The following PHF19 variants were observed in gnomAD, a reference collection of about 807,000 sequenced individuals.
PHF19 encodes polycomb like 3.
In PHF19, 21 loss-of-function variants were observed where a neutral mutation model predicts 79.8. The ratio of observed to expected loss-of-function variants is 0.26; its 90% CI spans 0.19 to 0.38. PHF19 has a LOEUF of 0.38. PHF19 is among the 10% of genes least tolerant of loss of function. The pLI, the probability that PHF19 is intolerant of heterozygous loss-of-function variation, is 1.00. For missense variants in PHF19, 445 were observed against 744.2 expected, an observed-to-expected ratio of 0.60 and a Z score of 4.68; for synonymous variants, 273 against 296.3, an observed-to-expected ratio of 0.92 and a Z score of 0.81.
At position 120,869,235 on chromosome 9, in the gene PHF19, C is replaced by T. The variant is rs1337815005; in HGVS notation, c.561G>A (p.Ser187=). The change falls in exon 6 of 15, where the codon TCG becomes TCA. Residue 187 remains serine, a synonymous_variant. Transcript: ENST00000373896. The surrounding 1 kb of genome is among the most constrained non-coding windows in gnomAD (Gnocchi z 5.8). ...ATTGCTGCTGGTTGGTGCGATGGGG[C>T]GAGTCCCACTCGAGCTCCTCGGGCT... ...SYQPEELEWD[S]PHRTNQQQCY... The T allele has an allele frequency of 2.5e-6, 4 of 1,611,980 alleles. No individual in the cohort carries two copies. Among genetic ancestry groups the T allele is most frequent in the African/African-American group, 1.3e-5 (1 of 74,908 alleles).
In PHF19 at chr9:120,860,384, A is replaced by G; in HGVS notation, c.1305-199T>C. Reference sequence around the variant, plus strand: ...CCAAGAAGTCAAAAAAACCTCCTGGAGCACCCTCCCCTGGCGGTGACGTAA... The same window carrying G: ...CCAAGAAGTCAAAAAAACCTCCTGGGGCACCCTCCCCTGGCGGTGACGTAA... On this transcript the variant is annotated intron_variant, in intron 13 of 14. Transcript: ENST00000373896. This position sits in a 1 kb window ranked among gnomAD's most constrained non-coding sequence, Gnocchi z 4.1. 1 of 562,572 alleles carries G rather than the reference A, an allele frequency of 1.8e-6. No homozygotes were observed. The highest frequency in any genetic ancestry group is 3.2e-6 in the Non-Finnish European group (1 of 311,968). 34.8% of individuals were successfully genotyped at this position (562,572 alleles called of 1,614,324 possible).
In PHF19 at chr9:120,869,919, T is replaced by C. The variant is rs758130114; in HGVS notation, c.391A>G (p.Ile131Val). 3.8e-6 allele frequency: 6 copies of C among 1,587,824 alleles called. No individual in the cohort carries two copies. Among genetic ancestry groups the C allele is most frequent in the Non-Finnish European group, 5.1e-6 (6 of 1,167,678 alleles). ...AGGGGCTGGTCAGCACTGCCCGCTA[T>C]GGGGATGTGGCACTGCTGGTGGTAA... ...LGYHQQCHIPIAGSADQPLLT... is the reference protein window; with the variant it reads ...LGYHQQCHIPVAGSADQPLLT... The change falls in exon 5 of 15, where the codon ATA becomes GTA. Residue 131 changes from isoleucine to valine, a missense_variant. Around this residue, in one of 5 missense-constraint regions of PHF19, gnomAD observed 167 missense variants for 375.8 expected, o/e 0.44. Transcript: ENST00000373896. The surrounding 1 kb of genome is among the most constrained non-coding windows in gnomAD (Gnocchi z 5.8).
upstream of PHF19, among the ~76,000 whole-genome samples, chr9:120,895,309 G>A (rs1020386196): frequency 3.9e-5 from 6 of 151,944 alleles, no homozygotes; most frequent in Non-Finnish European, 7.4e-5. Flanking sequence ...CCTTAATCCC[G>A]GGCATGGGGG....
At chr9:120,879,361 T>C (rs541219535), upstream of PHF19, among the ~76,000 whole-genome samples, 127 of 152,298 alleles carry the variant, frequency 8.3e-4, no homozygotes, top group East Asian at 2.7e-3. Flanking sequence ...GCGGTGTTGA[T>C]GCATAGATAA....
At position 120,862,705 on chromosome 9, in the gene PHF19, C is replaced by T. The variant is rs776312624; in HGVS notation, c.1013G>A (p.Arg338His). The stretch of plus-strand genomic sequence containing the variant: ...GTTGGGTGGGACGCGGATGCGCAGG[C>T]GGAAGATGCACTTCTTCTTCTTGAT... ...KEIKKKKCIF[R>H]LRIRVPPNPP... The change falls in exon 11 of 15, where the codon CGC (arginine) becomes CAC (histidine). Residue 338 changes from arginine (R) to histidine (H), a missense_variant. Transcript: ENST00000373896. This position sits in a 1 kb window ranked among gnomAD's most constrained non-coding sequence, Gnocchi z 4.6. The T allele has an allele frequency of 3.1e-6, 5 of 1,614,016 alleles. No individual in the cohort carries two copies. Among genetic ancestry groups the T allele is most frequent in the Non-Finnish European group, 3.4e-6 (4 of 1,180,006 alleles).
chr9:120,889,774 AAAGAAAAG>A (rs2046315976), intron 1 of PHF19, among the ~76,000 whole-genome samples: 1 of 148,276 alleles, frequency 6.7e-6, no homozygotes, highest in Admixed American at 6.9e-5. Context: ...AGAGAGAAAG[AAAGAAAAG>A]AGAAAGAAGA....
rs770422623 is a variant in PHF19 at position 120,860,053 on chromosome 9, T to G, written c.1400+37A>C. Reference sequence around the variant, plus strand: ...GAGGGGCTGAGAGGAATGATGGTCCTTGCAAAATGTGAAGGCCAGACCTCT... The same window carrying G: ...GAGGGGCTGAGAGGAATGATGGTCCGTGCAAAATGTGAAGGCCAGACCTCT... On this transcript the variant is annotated intron_variant, in intron 14 of 14. Transcript: ENST00000373896. This position sits in a 1 kb window ranked among gnomAD's most constrained non-coding sequence, Gnocchi z 4.1. The G allele has an allele frequency of 6.3e-5, 68 of 1,076,448 alleles. No homozygotes were observed. The highest frequency in any genetic ancestry group is 9.3e-5 in the Non-Finnish European group (66 of 710,920). 66.7% of individuals were successfully genotyped at this position (1,076,448 alleles called of 1,614,324 possible).
chr9:120,877,947 C>T (rs1233372068), upstream of PHF19, among the ~76,000 whole-genome samples: 1 of 152,176 alleles, frequency 6.6e-6, no homozygotes, highest in Non-Finnish European at 1.5e-5. Context: ...ACGGACATAA[C>T]ACATAAAGTC....
At position 120,866,866 on chromosome 9, in the gene PHF19, C is replaced by G. The variant is rs750129894; in HGVS notation, c.710+4G>C. ...AGGCCCACTTGGACCAAATTAGCAC[C>G]TACCGGTCTCCAAACATCATGGGCT... On this transcript the variant is annotated splice_donor_region_variant and intron_variant, in intron 7 of 14. Transcript: ENST00000373896. This position sits in a 1 kb window ranked among gnomAD's most constrained non-coding sequence, Gnocchi z 5.2. The G allele has an allele frequency of 1.3e-6, 2 of 1,579,320 alleles. No individual in the cohort carries two copies. The highest frequency in any genetic ancestry group is 1.1e-5 in the South Asian group (1 of 90,398).
intron 1 of PHF19, among the ~76,000 whole-genome samples, chr9:120,887,621 A>AACACACACACACAC (rs764204141): frequency 2.6e-5 from 3 of 113,588 alleles, no homozygotes; most frequent in African/African-American, 1.1e-4. Context: ...TTTATGAACA[A>AACACACACACACAC]ACACACACAC....
chr9:120,901,610 C>T, the PHF19 span, among the ~76,000 whole-genome samples: 2 of 152,138 alleles, frequency 1.3e-5, no homozygotes, highest in African/African-American at 2.4e-5. Context: ...CTTGCCACAC[C>T]GTTGAGGGAA....
rs753720681 is a variant in PHF19 at position 120,866,081 on chromosome 9, G to A, written c.726C>T (p.Phe242=). The A allele has an allele frequency of 1.9e-6, 3 of 1,613,810 alleles. No homozygotes were observed. Among genetic ancestry groups the A allele is most frequent in the Non-Finnish European group, 1.7e-6 (2 of 1,179,866 alleles). The part of the protein sequence containing the change: ...MMFGDRFYLF[F]CSVCNQGPEY... ...CTGGGCCCTGGTTACACACGGAGCA[G>A]AAGAACAGGTAAAACCTGTGGGTGG... is the stretch of plus-strand genomic sequence containing the variant. Residue 242 remains phenylalanine (F), a synonymous_variant, in exon 8 of 15, where the codon TTC becomes TTT. Coordinates refer to ENST00000373896, the MANE Select transcript of PHF19 (RefSeq NM_015651.3). The surrounding 1 kb of genome is among the most constrained non-coding windows in gnomAD (Gnocchi z 5.2).
chr9:120,879,868 C>T (rs1408970300), upstream of PHF19, among the ~76,000 whole-genome samples: 2 of 152,096 alleles, frequency 1.3e-5, no homozygotes, highest in East Asian at 1.9e-4. Context: ...AAAGAGGAAA[C>T]CTAAATGGCT....
At chr9:120,890,852 C>T (rs1305779843) in intron 1 of PHF19, among the ~76,000 whole-genome samples, 1 of 152,172 alleles carries the variant, frequency 6.6e-6, no homozygotes, top group African/African-American at 2.4e-5. Context: ...GAGGGTCTGC[C>T]TAACTTCATG....
At chr9:120,877,291 A>T (rs2046094366), upstream of PHF19, 5 of 951,542 alleles carry the variant, frequency 5.3e-6, no homozygotes, top group Non-Finnish European at 6.2e-6. Context: ...CGGGGCGCTC[A>T]GGAAGGGGCC....
chr9:120,885,991 T>C (rs1001601755), intron 1 of PHF19, among the ~76,000 whole-genome samples: 3 of 152,206 alleles, frequency 2.0e-5, no homozygotes, highest in African/African-American at 7.2e-5. Context: ...GTCTGGCCTT[T>C]CTCTGTTGTC....
Position 120,869,949 on chromosome 9 carries a change from C to A in PHF19, c.365-4G>T. 1.3e-6 allele frequency: 2 copies of A among 1,568,834 alleles called. No individual in the cohort carries two copies. Among genetic ancestry groups the A allele is most frequent in the Non-Finnish European group, 1.7e-6 (2 of 1,157,050 alleles). On this transcript the variant is annotated splice_polypyrimidine_tract_variant and splice_region_variant and intron_variant, in intron 4 of 14. Coordinates refer to ENST00000373896, the MANE Select transcript of PHF19 (RefSeq NM_015651.3). This position sits in a 1 kb window ranked among gnomAD's most constrained non-coding sequence, Gnocchi z 5.8. ...ATGTGGCACTGCTGGTGGTAACCTA[C>A]GGCAGAGGAGGGGGCGGTGAGCGCC...
Position 120,891,345 on chromosome 9 carries a change from G to C in PHF19, c.42+3443C>G, listed in dbSNP as rs1564519708. On this transcript the variant is annotated intron_variant, in intron 1 of 14. Coordinates refer to the PHF19 transcript ENST00000616568. The surrounding 1 kb of genome is among the most constrained non-coding windows in gnomAD (Gnocchi z 4.3). The stretch of plus-strand genomic sequence containing the variant: ...GGTCCAGCTACAGTCAATATCTAGA[G>C]AAGGTATTGGCCTAGAGAACCTTGC... Among the ~76,000 whole-genome samples, 1 of 151,398 alleles carries C rather than the reference G, an allele frequency of 6.6e-6. No homozygotes were observed.
chr9:120,866,352 C>A lies in PHF19; in HGVS notation c.711-256G>T, dbSNP rs972815370. On this transcript the variant is annotated intron_variant, in intron 7 of 14. Coordinates refer to ENST00000373896, the MANE Select transcript of PHF19 (RefSeq NM_015651.3). This position sits in a 1 kb window ranked among gnomAD's most constrained non-coding sequence, Gnocchi z 5.2. ...CTGAGTTCACAGAGAGTGAGCTGAG[C>A]TAGGCTGGGCTGCCATGGTCACCCT... is the stretch of plus-strand genomic sequence containing the variant. 1.3e-5 allele frequency among the ~76,000 whole-genome samples: 2 copies of A among 152,180 alleles called. No individual in the cohort carries two copies. Among genetic ancestry groups the A allele is most frequent in the Non-Finnish European group, 2.9e-5 (2 of 68,034 alleles).
Sources: gnomAD v4.1 joint callset for allele counts (sites outside exome capture counted in the v4.1 genomes callset) on GRCh38, gnomAD v4.1.1 for gene constraint, gnomAD v4.1.1 regional missense constraint, Gnocchi (gnomAD v3.1) non-coding constraint, MANE v1.5 for transcripts, NCBI Gene and HGNC (gene_info 2026-07-23, HGNC 2026-07-21) for gene names.